The following MIS18BP1 variants were observed in gnomAD, a reference collection of about 807,000 sequenced individuals.
MIS18BP1 encodes the protein mis18-binding protein 1.
In MIS18BP1, 72 loss-of-function variants were observed where a neutral mutation model predicts 116.1. That is an observed-to-expected ratio of 0.62 (90% CI 0.51 to 0.75). The LOEUF is 0.75. MIS18BP1 is among the 30% of genes least tolerant of loss of function. The pLI is 0.00. For synonymous variants in MIS18BP1, 386 were observed against 427.0 expected, an observed-to-expected ratio of 0.90 and a Z score of 1.18; for missense variants, 1,363 against 1,303.2, an observed-to-expected ratio of 1.05 and a Z score of -0.71.
rs568848734 is a variant in MIS18BP1 at position 45,246,836 on chromosome 14, TAGG to T, written c.448_450del (p.Pro150del). 27 of 1,609,604 alleles carry T rather than the reference TAGG, an allele frequency of 1.7e-5. No homozygotes were observed. In the South Asian group the frequency reaches 2.7e-4, roughly 16 times the overall value. Reference sequence around the variant, plus strand: ...TGCAATTTTTTTTTTTCAACTCTGTTAGGAGTGAAGGTTTCATTATTTCCACTT... The same window carrying T: ...TGCAATTTTTTTTTTTCAACTCTGTTAGTGAAGGTTTCATTATTTCCACTT... On this transcript the variant is annotated inframe_deletion, in exon 2 of 17. Transcript: ENST00000310806.
intron 1 of MIS18BP1, among the ~76,000 whole-genome samples, chr14:45,248,110 G>A (rs1440664519): frequency 7.1e-6 from 1 of 139,998 alleles, no homozygotes; most frequent in African/African-American, 2.7e-5. Flanking sequence ...TTGTTGCCCA[G>A]GCTGGAGTGC....
At chr14:45,218,250 C>G in intron 12 of MIS18BP1, 32 bp downstream of exon 12, 4 of 1,599,538 alleles carry the variant, frequency 2.5e-6, no homozygotes, top group Non-Finnish European at 2.6e-6. Flanking sequence ...ACACTGAGTA[C>G]TAGGAAAAAA....
intron 15 of MIS18BP1, among the ~76,000 whole-genome samples, chr14:45,205,708 T>C (rs1890495796): frequency 6.6e-6 from 1 of 152,186 alleles, no homozygotes; most frequent in Non-Finnish European, 1.5e-5. Flanking sequence ...TTGATGAAAT[T>C]TCTTACTTTA....
At position 45,242,866 on chromosome 14, in the gene MIS18BP1, G is replaced by A. The variant is rs1335173178; in HGVS notation, c.553C>T (p.Gln185Ter). 1.3e-6 allele frequency: 2 copies of A among 1,592,828 alleles called. No individual in the cohort carries two copies. Among genetic ancestry groups the A allele is most frequent in the East Asian group, 2.2e-5 (1 of 44,768 alleles). Reference protein sequence around the residue: ...SDDSSLRASVQGVPLESSNND... With the variant: ...SDDSSLRASV Reference sequence around the variant, plus strand: ...TTTGATGATTCTAGAGGAACTCCTTGGACTGAGGCTAAGGTTTTATTTTTT... The same window carrying A: ...TTTGATGATTCTAGAGGAACTCCTTAGACTGAGGCTAAGGTTTTATTTTTT... The change falls in exon 3 of 17, where the codon CAA becomes TAA. Residue 185 changes from glutamine (Q) to a stop codon, truncating the protein, a stop_gained. Transcript: ENST00000310806. LOFTEE classifies it high-confidence loss of function.
intron 1 of MIS18BP1, among the ~76,000 whole-genome samples, chr14:45,250,778 T>C (rs1298264522): frequency 1.3e-5 from 2 of 152,084 alleles, no homozygotes; most frequent in Non-Finnish European, 2.9e-5. Context: ...TCCCAGCACT[T>C]TGGGAGGCCA....
chr14:45,223,788 CTG>C (rs1429107596), intron 11 of MIS18BP1, 128 bp downstream of exon 11: 2 of 679,338 alleles, frequency 2.9e-6, no homozygotes, highest in African/African-American at 3.7e-5. Context: ...TCTCCATTCC[CTG>C]TGCAAATTAT....
At chr14:45,227,896 G>T in intron 8 of MIS18BP1, 82 bp from the exon 9 acceptor site, 1 of 1,415,876 alleles carries the variant, frequency 7.1e-7, no homozygotes, top group Non-Finnish European at 9.8e-7. Context: ...TAACTTTGAC[G>T]CTAGGTGTGG....
chr14:45,241,925 A>G (rs1891585559), intron 4 of MIS18BP1, 109 bp downstream of exon 4: 2 of 1,181,056 alleles, frequency 1.7e-6, no homozygotes, highest in Admixed American at 2.3e-5. Flanking sequence ...TGAAGCATAC[A>G]GGTTCAAATC....
chr14:45,240,733 T>A (rs1194811933), intron 4 of MIS18BP1, among the ~76,000 whole-genome samples: 5 of 150,272 alleles, frequency 3.3e-5, no homozygotes, highest in Admixed American at 3.3e-4. Flanking sequence ...TTAATGAGAA[T>A]AATCCAAAAA....
chr14:45,234,858 G>A (rs925467394), intron 6 of MIS18BP1, among the ~76,000 whole-genome samples: 1 of 152,212 alleles, frequency 6.6e-6, no homozygotes, highest in Non-Finnish European at 1.5e-5. Flanking sequence ...GAATCAGGGA[G>A]TTAAATGATA....
chr14:45,228,782 G>A lies in MIS18BP1; in HGVS notation c.1595-968C>T, dbSNP rs151241716. On this transcript the variant is annotated intron_variant, in intron 8 of 16. Transcript: ENST00000310806. ...GGTCATTTATCATATACTCTGGTAA[G>A]TGTAATAACAGAGATAAAGTGCTTT... 7.2e-3 allele frequency among the ~76,000 whole-genome samples: 1,101 copies of A among 152,278 alleles called. 23 individuals are homozygous for A. The highest frequency in any genetic ancestry group is 0.025 in the African/African-American group (1,045 of 41,564).
At chr14:45,227,554 A>AG in intron 9 of MIS18BP1, 109 bp downstream of exon 9, 6 of 1,007,336 alleles carry the variant, frequency 6.0e-6, no homozygotes, top group Non-Finnish European at 8.5e-6. Context: ...CAAAAGAAAA[A>AG]AAAAAAAAAA....
chr14:45,253,113 G>C lies in MIS18BP1; in HGVS notation c.-170C>G, dbSNP rs1461042362. ...CGCGGAGAGAGGGCCGCACGCCGCC[G>C]GGCTCGCGCCTCAGGCCCACGGTGT... On this transcript the variant is annotated 5_prime_UTR_variant, in exon 1 of 17. Coordinates refer to ENST00000310806, the MANE Select transcript of MIS18BP1 (RefSeq NM_018353.5). 11 of 152,324 alleles carry C rather than the reference G, an allele frequency of 7.2e-5. No individual in the cohort carries two copies. The highest frequency in any genetic ancestry group is 2.4e-4 in the African/African-American group (10 of 41,454). 9.4% of individuals were successfully genotyped at this position (152,324 alleles called of 1,614,324 possible).
chr14:45,215,208 T>A (rs1457160771), intron 13 of MIS18BP1, among the ~76,000 whole-genome samples: 1 of 152,206 alleles, frequency 6.6e-6, no homozygotes, highest in African/African-American at 2.4e-5. Context: ...AAGACTTCCC[T>A]CTATAATCAG....
intron 13 of MIS18BP1, among the ~76,000 whole-genome samples, chr14:45,210,867 A>G (rs1890655853): frequency 6.6e-6 from 1 of 152,172 alleles, no homozygotes. Flanking sequence ...TCCCTATGGT[A>G]TATAAACCCT....
rs369759410 is a variant in MIS18BP1 at position 45,235,860 on chromosome 14, A to G, written c.1302T>C (p.Val434=). The change falls in exon 6 of 17, where the codon GTT becomes GTC. Residue 434 remains valine, a synonymous_variant. Coordinates refer to ENST00000310806, the MANE Select transcript of MIS18BP1 (RefSeq NM_018353.5). ...HNKLRTISGN[V]YILKGMIDQI... ...GGTCTATCATGCCTTTTAATATATA[A>G]ACGTTGCCTGATATAGTCCTAAGTT... is the stretch of plus-strand genomic sequence containing the variant. 6.2e-7 allele frequency: 1 copy of G among 1,610,668 alleles called. No individual in the cohort carries two copies. Among genetic ancestry groups the G allele is most frequent in the Non-Finnish European group, 8.5e-7 (1 of 1,178,074 alleles).
chr14:45,203,984 C>G lies in MIS18BP1; in HGVS notation c.*125G>C. 7.3e-7 allele frequency: 1 copy of G among 1,371,932 alleles called. No individual in the cohort carries two copies. Among genetic ancestry groups the G allele is most frequent in the Non-Finnish European group, 9.7e-7 (1 of 1,030,532 alleles). 85.0% of individuals were successfully genotyped at this position (1,371,932 alleles called of 1,614,324 possible). ...TTACTTTGAACACAAACATATGAAA[C>G]CTTCAAAAAAGTCCACATTTTCATA... On this transcript the variant is annotated 3_prime_UTR_variant, in exon 17 of 17. Coordinates refer to ENST00000310806, the MANE Select transcript of MIS18BP1 (RefSeq NM_018353.5).
chr14:45,216,960 A>C (rs1188242230), intron 13 of MIS18BP1, 59 bp downstream of exon 13: 1 of 1,553,984 alleles, frequency 6.4e-7, no homozygotes, highest in African/African-American at 1.4e-5. Flanking sequence ...ACCATACATA[A>C]AAATGAAAGA....
chr14:45,204,928 T>C (rs1890472169), intron 15 of MIS18BP1, among the ~76,000 whole-genome samples: 1 of 152,108 alleles, frequency 6.6e-6, no homozygotes, highest in African/African-American at 2.4e-5. Flanking sequence ...TCTGTTATTA[T>C]AACAGTACAA....
Sources: gnomAD v4.1 joint callset for allele counts (sites outside exome capture counted in the v4.1 genomes callset) on GRCh38, gnomAD v4.1.1 for gene constraint, MANE v1.5 for transcripts, NCBI Gene and HGNC (gene_info 2026-07-23, HGNC 2026-07-21) for gene names.